The following HCN1 variants were observed in gnomAD, a reference collection of about 807,000 sequenced individuals.
HCN1 encodes hyperpolarization activated cyclic nucleotide gated potassium channel 1, also known as potassium/sodium hyperpolarization-activated cyclic nucleotide-gated channel 1.
HCN1 carries 13 observed loss-of-function variants against 78.9 expected under a neutral mutation model. That is an observed-to-expected ratio of 0.16 (90% CI 0.11 to 0.26). The LOEUF (loss-of-function observed/expected upper bound fraction) is 0.26, where lower values mean the gene tolerates loss of function less well. Ranked by LOEUF, HCN1 falls within the 10% of genes least tolerant of loss-of-function variation. HCN1 has a pLI of 1.00. For synonymous variants in HCN1, 552 were observed against 455.5 expected, an observed-to-expected ratio of 1.21 and a Z score of -2.70; for missense variants, 810 against 1,154.3, an observed-to-expected ratio of 0.70 and a Z score of 4.32.
chr5:45,319,828 A>C (rs1746085721), intron 5 of HCN1, among the ~76,000 whole-genome samples: 1 of 151,886 alleles, frequency 6.6e-6, no homozygotes, highest in Non-Finnish European at 1.5e-5. Flanking sequence ...AAGAAATTTT[A>C]AGCAATATCT....
At chr5:45,672,910 A>G (rs545256402) in intron 1 of HCN1, among the ~76,000 whole-genome samples, 2 of 151,608 alleles carry the variant, frequency 1.3e-5, no homozygotes, top group Non-Finnish European at 3.0e-5. Context: ...CTATTTTTAA[A>G]TATTACATCA....
At chr5:45,302,622 A>G in intron 6 of HCN1, among the ~76,000 whole-genome samples, 1 of 151,100 alleles carries the variant, frequency 6.6e-6, no homozygotes, top group Middle Eastern at 3.5e-3. Context: ...AGAAACATAT[A>G]TATATATTTT....
chr5:45,374,060 T>TACAGA (rs1465725869), intron 4 of HCN1, among the ~76,000 whole-genome samples: 2 of 108,456 alleles, frequency 1.8e-5, no homozygotes, highest in East Asian at 4.8e-4. Flanking sequence ...ATATATTATA[T>TACAGA]ATATAATATA....
intron 7 of HCN1, among the ~76,000 whole-genome samples, chr5:45,263,412 A>G (rs1314189137): frequency 6.6e-6 from 1 of 152,222 alleles, no homozygotes; most frequent in Non-Finnish European, 1.5e-5. Context: ...TACACAAAAA[A>G]GTGATTGCAC....
chr5:45,489,219 C>A (rs1373069969), intron 2 of HCN1, among the ~76,000 whole-genome samples: 3 of 152,094 alleles, frequency 2.0e-5, no homozygotes, highest in African/African-American at 7.2e-5. Flanking sequence ...TGCAGAAATG[C>A]AAAGTTTTGT....
At chr5:45,659,152 C>A (rs994750893) in intron 1 of HCN1, among the ~76,000 whole-genome samples, 1 of 150,488 alleles carries the variant, frequency 6.6e-6, no homozygotes, top group African/African-American at 2.4e-5. Context: ...GACCCCTGAC[C>A]CCCGAGCAGC....
chr5:45,619,628 A>C (rs1353540949), intron 2 of HCN1, among the ~76,000 whole-genome samples: 3 of 152,218 alleles, frequency 2.0e-5, no homozygotes, highest in South Asian at 4.1e-4. Context: ...GGGAGATAGA[A>C]GAAATGAGGG....
intron 5 of HCN1, among the ~76,000 whole-genome samples, chr5:45,330,953 T>A (rs1370395192): frequency 6.6e-6 from 1 of 151,298 alleles, no homozygotes; most frequent in Non-Finnish European, 1.5e-5. Flanking sequence ...TTATTTTATA[T>A]GCCTTTGTAT....
chr5:45,259,633 T>C lies in HCN1; in HGVS notation c.*2288A>G, dbSNP rs1744689835. On this transcript the variant is annotated 3_prime_UTR_variant, in exon 8 of 8. Coordinates refer to ENST00000303230, the MANE Select transcript of HCN1 (RefSeq NM_021072.4). ...ATATAAACCTTAGTTTTTTTGTCCA[T>C]TCTATTACAAAGTGAATAAAAATTG... 1 of 152,316 alleles carries C rather than the reference T, an allele frequency of 6.6e-6. No individual in the cohort carries two copies. Among genetic ancestry groups the C allele is most frequent in the African/African-American group, 2.4e-5 (1 of 41,398 alleles). The allele number at this position is 152,316 out of a possible 1,614,324, so 9.4% of individuals were successfully genotyped here. A position where few individuals can be genotyped will look rare whatever the true frequency, so the allele number is the denominator to read the frequency against.
intron 2 of HCN1, among the ~76,000 whole-genome samples, chr5:45,566,983 G>C (rs1000026869): frequency 6.6e-6 from 1 of 152,092 alleles, no homozygotes; most frequent in Non-Finnish European, 1.5e-5. Flanking sequence ...AAATACACAG[G>C]CATTCCTTCC....
intron 2 of HCN1, among the ~76,000 whole-genome samples, chr5:45,522,347 C>T (rs1193366388): frequency 6.6e-6 from 1 of 151,928 alleles, no homozygotes; most frequent in Non-Finnish European, 1.5e-5. Flanking sequence ...TTCAAAATCA[C>T]CATGTGAAAA....
intron 6 of HCN1, among the ~76,000 whole-genome samples, chr5:45,299,596 A>G (rs1455266360): frequency 6.6e-6 from 1 of 151,922 alleles, no homozygotes; most frequent in Non-Finnish European, 1.5e-5. Context: ...ATGTGTACTC[A>G]GTATTATGAA....
chr5:45,400,003 CA>C (rs1739760203), intron 3 of HCN1, among the ~76,000 whole-genome samples: 1 of 152,032 alleles, frequency 6.6e-6, no homozygotes, highest in Admixed American at 6.6e-5. Flanking sequence ...CTCAGAAATA[CA>C]TCTAAGATTT....
At chr5:45,596,252 T>G (rs1744493046) in intron 2 of HCN1, among the ~76,000 whole-genome samples, 1 of 152,150 alleles carries the variant, frequency 6.6e-6, no homozygotes, top group Admixed American at 6.6e-5. Context: ...AACCTAACTG[T>G]AAGTTGAGAA....
intron 2 of HCN1, among the ~76,000 whole-genome samples, chr5:45,616,025 A>C (rs532808324): frequency 6.2e-4 from 95 of 152,056 alleles, no homozygotes; most frequent in African/African-American, 2.1e-3. Context: ...GAAGTATGCA[A>C]ATGAAAATGA....
In HCN1 at chr5:45,585,425, T is replaced by C. The variant is rs569692815; in HGVS notation, c.849+59760A>G. ...TGCATTGATTATTCTAGTTAGCCAT[T>C]CGTCTAATTTTTTTTCAAGGTTTTT... On this transcript the variant is annotated intron_variant, in intron 2 of 7. Transcript: ENST00000303230. Among the ~76,000 whole-genome samples the C allele has an allele frequency of 2.3e-3, 346 of 152,282 alleles. 1 individual carries two copies. The highest frequency in any genetic ancestry group is 1.9e-3 in the Non-Finnish European group (127 of 68,014).
chr5:45,446,005 T>C (rs1740786477), intron 3 of HCN1, among the ~76,000 whole-genome samples: 1 of 152,138 alleles, frequency 6.6e-6, no homozygotes, highest in Non-Finnish European at 1.5e-5. Context: ...AGGAACGCAG[T>C]TCCTCACCAG....
intron 3 of HCN1, among the ~76,000 whole-genome samples, chr5:45,410,741 C>T (rs1236755712): frequency 6.6e-6 from 1 of 151,964 alleles, no homozygotes; most frequent in East Asian, 1.9e-4. Flanking sequence ...CTGTGTAAGC[C>T]TGTGTAAAAA....
intron 2 of HCN1, among the ~76,000 whole-genome samples, chr5:45,514,721 C>T (rs957415932): frequency 1.3e-5 from 2 of 151,898 alleles, no homozygotes; most frequent in Non-Finnish European, 2.9e-5. Flanking sequence ...GAAACCTTTT[C>T]AATAAAGCCA....
Sources: gnomAD v4.1 joint callset for allele counts (sites outside exome capture counted in the v4.1 genomes callset) on GRCh38, gnomAD v4.1.1 for gene constraint, MANE v1.5 for transcripts, NCBI Gene and HGNC (gene_info 2026-07-23, HGNC 2026-07-21) for gene names.